The following MARCHF7 variants were observed in gnomAD, a reference collection of about 807,000 sequenced individuals.
MARCHF7 encodes E3 ubiquitin-protein ligase MARCHF7.
Under a neutral mutation model 76.5 loss-of-function variants are expected in MARCHF7, and 20 were observed. The ratio of observed to expected loss-of-function variants is 0.26; its 90% CI spans 0.18 to 0.38. MARCHF7 has a LOEUF of 0.38. MARCHF7 is among the 10% of genes least tolerant of loss of function. The pLI, the probability that MARCHF7 is intolerant of heterozygous loss-of-function variation, is 1.00. For synonymous variants in MARCHF7, 295 were observed against 293.0 expected (o/e 1.01, Z -0.07); for missense variants, 797 against 812.9 (o/e 0.98, Z 0.24).
chr2:159,754,030 T>C (rs767440902), intron 8 of MARCHF7, among the ~76,000 whole-genome samples: 22 of 152,236 alleles, frequency 1.4e-4, no homozygotes, highest in Non-Finnish European at 2.5e-4. Flanking sequence ...GAGCTACTTA[T>C]TAGATAACCA....
chr2:159,759,796 G>A (rs1462432161), intron 9 of MARCHF7, among the ~76,000 whole-genome samples: 1 of 152,126 alleles, frequency 6.6e-6, no homozygotes, highest in African/African-American at 2.4e-5. Context: ...TGCATGAAGT[G>A]CTTGAAAAAC....
At chr2:159,721,299 G>A (rs189280123) in intron 3 of MARCHF7, among the ~76,000 whole-genome samples, 2 of 152,078 alleles carry the variant, frequency 1.3e-5, no homozygotes, top group African/African-American at 4.8e-5. Context: ...CAGAGGAATG[G>A]AGTCACTCAT....
intron 4 of MARCHF7, chr2:159,732,768 G>C (rs1348231640): frequency 2.4e-6 from 2 of 840,084 alleles, no homozygotes; most frequent in South Asian, 1.1e-4. Context: ...CTGGCCTCCA[G>C]CAGTACTCCC....
chr2:159,733,972 G>A, intron 4 of MARCHF7: 1 of 1,295,698 alleles, frequency 7.7e-7, no homozygotes, highest in Non-Finnish European at 9.9e-7. Flanking sequence ...CCATTTGTAA[G>A]CTGCGCTTCA....
In MARCHF7 at chr2:159,748,474, C is replaced by T. The variant is rs1009722802; in HGVS notation, c.1184C>T (p.Thr395Ile). ...TCTTCCTCACTTAGAAATAGATGCACACCTTTGTTCTCTAGAAGGAGGCGA... is the reference window on the plus strand; with the variant it reads ...TCTTCCTCACTTAGAAATAGATGCATACCTTTGTTCTCTAGAAGGAGGCGA... ...WLSSSLRNRC[T>I]PLFSRRRREG... The change falls in exon 7 of 12, where the codon ACA becomes ATA. Residue 395 changes from threonine to isoleucine, a missense_variant. Physicochemically the swap from Thr to Ile is moderately conservative, Grantham distance 89 (BLOSUM62 -1). This residue lies in a region of MARCHF7 where 643 missense variants were observed against 631.5 expected (regional missense o/e 1.02). Transcript: ENST00000409175. 3.1e-6 allele frequency: 5 copies of T among 1,613,898 alleles called. No individual in the cohort carries two copies. The highest frequency in any genetic ancestry group is 4.2e-6 in the Non-Finnish European group (5 of 1,179,968).
chr2:159,725,844 T>C (rs549224275), intron 3 of MARCHF7, among the ~76,000 whole-genome samples: 1 of 152,322 alleles, frequency 6.6e-6, no homozygotes, highest in South Asian at 2.1e-4. Context: ...CAGCCTTTGT[T>C]GTAGGATAGA....
chr2:159,724,701 A>T (rs1701974654), intron 3 of MARCHF7, among the ~76,000 whole-genome samples: 1 of 152,034 alleles, frequency 6.6e-6, no homozygotes, highest in Non-Finnish European at 1.5e-5. Context: ...TTTTTTTTAT[A>T]CTTTAAGTTC....
At chr2:159,755,873 C>G (rs1018694061) in intron 8 of MARCHF7, among the ~76,000 whole-genome samples, 1 of 152,102 alleles carries the variant, frequency 6.6e-6, no homozygotes, top group Non-Finnish European at 1.5e-5. Flanking sequence ...TGGGAAAATT[C>G]CTGAGGCTCC....
rs1708128769 is a variant in MARCHF7 at position 159,770,978 on chromosome 2, C to A, written c.*3636C>A. On this transcript the variant is annotated 3_prime_UTR_variant, in exon 12 of 12. Transcript: ENST00000409175. ...TTTTTACTCCCCAAATGATTTTCACCTTTTTCTTAAAATGTACAATAAATG... is the reference window on the plus strand; with the variant it reads ...TTTTTACTCCCCAAATGATTTTCACATTTTTCTTAAAATGTACAATAAATG... 2 of 152,080 alleles carry A rather than the reference C, an allele frequency of 1.3e-5. No individual in the cohort carries two copies. The highest frequency in any genetic ancestry group is 1.9e-4 in the East Asian group (1 of 5,196). The allele number at this position is 152,080 out of a possible 1,614,324, so 9.4% of individuals were successfully genotyped here.
chr2:159,729,255 T>C (rs1702503210), intron 4 of MARCHF7, 80 bp downstream of exon 4: 3 of 1,028,148 alleles, frequency 2.9e-6, no homozygotes, highest in Non-Finnish European at 4.0e-6. Flanking sequence ...ATTTAAAAAA[T>C]GTGTTAGCTG....
In MARCHF7 at chr2:159,769,424, C is replaced by CTT; in HGVS notation, c.*2083_*2084dup. ...TTGGGAGACCAAGGTGGGTGGATCA[C>CTT]TTGAGGTCAGGAGTTTGAGACCAGC... is the stretch of plus-strand genomic sequence containing the variant. On this transcript the variant is annotated 3_prime_UTR_variant, in exon 12 of 12. Coordinates refer to ENST00000409175, the MANE Select transcript of MARCHF7 (RefSeq NM_001282805.2). 1 of 152,224 alleles carries CTT rather than the reference C, an allele frequency of 6.6e-6. No homozygotes were observed. Among genetic ancestry groups the CTT allele is most frequent in the Non-Finnish European group, 1.5e-5 (1 of 68,060 alleles). 9.4% of individuals were successfully genotyped at this position (152,224 alleles called of 1,614,324 possible).
intron 5 of MARCHF7, among the ~76,000 whole-genome samples, chr2:159,745,391 C>T (rs139082391): frequency 4.6e-4 from 70 of 152,212 alleles, no homozygotes; most frequent in African/African-American, 1.4e-3. Context: ...TGCGGTGGCT[C>T]GTGCTGTGAT....
chr2:159,764,096 A>G (rs1270531037), intron 10 of MARCHF7, among the ~76,000 whole-genome samples: 1 of 152,158 alleles, frequency 6.6e-6, no homozygotes, highest in Non-Finnish European at 1.5e-5. Context: ...TTTACAGTGG[A>G]AAATTACAGA....
At chr2:159,751,399 T>C (rs983817600) in intron 7 of MARCHF7, among the ~76,000 whole-genome samples, 1 of 152,174 alleles carries the variant, frequency 6.6e-6, no homozygotes, top group Non-Finnish European at 1.5e-5. Flanking sequence ...TACAGAAAAA[T>C]TGAATCCACC....
intron 3 of MARCHF7, among the ~76,000 whole-genome samples, chr2:159,716,002 A>C (rs1700992932): frequency 6.6e-6 from 1 of 152,164 alleles, no homozygotes; most frequent in Admixed American, 6.5e-5. Context: ...TGCCTTTTAC[A>C]GTGGTGTAGT....
intron 7 of MARCHF7, among the ~76,000 whole-genome samples, chr2:159,750,543 T>A (rs915667640): frequency 1.3e-5 from 2 of 151,484 alleles, no homozygotes; most frequent in African/African-American, 4.9e-5. Context: ...TAAAATAAAA[T>A]AAAATAACAG....
At chr2:159,758,751 CAG>C (rs1706639336) in intron 8 of MARCHF7, among the ~76,000 whole-genome samples, 1 of 152,184 alleles carries the variant, frequency 6.6e-6, no homozygotes, top group Non-Finnish European at 1.5e-5. Context: ...GCAAGTAAGG[CAG>C]ACATATTCCT....
At chr2:159,756,709 A>C (rs1378465954) in intron 8 of MARCHF7, among the ~76,000 whole-genome samples, 2 of 139,924 alleles carry the variant, frequency 1.4e-5, no homozygotes, top group South Asian at 2.1e-4. Context: ...AAAAAAAAAA[A>C]AAAAACAGAT....
At chr2:159,735,993 G>A (rs1465792784) in intron 4 of MARCHF7, among the ~76,000 whole-genome samples, 1 of 152,152 alleles carries the variant, frequency 6.6e-6, no homozygotes, top group African/African-American at 2.4e-5. Context: ...CTGATATGGT[G>A]GTGCACACCT....
Sources: allele counts gnomAD v4.1 joint callset (sites outside exome capture counted in the v4.1 genomes callset), GRCh38; gene constraint gnomAD v4.1.1; regional missense constraint gnomAD v4.1.1; transcripts MANE v1.5; gene names NCBI Gene and HGNC (gene_info 2026-07-23, HGNC 2026-07-21).